NACC2: variants seen among roughly 807,000 people sequenced by gnomAD.
NACC2 encodes NACC family member 2.
NACC2 carries 8 observed loss-of-function variants against 25.1 expected under a neutral mutation model. The observed-to-expected ratio is 0.32, with a 90% CI of 0.19 to 0.57. The LOEUF (loss-of-function observed/expected upper bound fraction) is 0.57, where lower values mean the gene tolerates loss of function less well. Among genes scored for constraint, NACC2 ranks in the 20% least tolerant of loss-of-function variants. The pLI, the probability that NACC2 is intolerant of heterozygous loss-of-function variation, is 0.89. For missense variants in NACC2, 644 were observed against 650.2 expected (o/e 0.99, Z 0.10); for synonymous variants, 435 against 294.7 (o/e 1.48, Z -4.88).
intron 2 of NACC2, among the ~76,000 whole-genome samples, chr9:136,029,238 G>C (rs1301305354): frequency 1.3e-5 from 2 of 152,138 alleles, no homozygotes; most frequent in Non-Finnish European, 2.9e-5. Context: ...CCCAGACTCA[G>C]CCAGACAACA....
At position 136,019,862 on chromosome 9, in the gene NACC2, G is replaced by A. The variant is rs887520323; in HGVS notation, c.887-3433C>T. On this transcript the variant is annotated intron_variant, in intron 2 of 5. Transcript: ENST00000277554. This position sits in a 1 kb window ranked among gnomAD's most constrained non-coding sequence, Gnocchi z 5.2. ...ACACCAGGGGAGCTTGCGAGAGGGC[G>A]GCTGAGCCTGGAGGACACCACACTC... Among the ~76,000 whole-genome samples the A allele has an allele frequency of 6.6e-6, 1 of 152,166 alleles. No individual in the cohort carries two copies.
intron 1 of NACC2, among the ~76,000 whole-genome samples, chr9:136,053,157 A>C (rs1466030515): frequency 3.3e-5 from 5 of 152,222 alleles, no homozygotes; most frequent in African/African-American, 9.6e-5. Context: ...GGTGGGAGGC[A>C]AGGCGACACA....
intron 2 of NACC2, among the ~76,000 whole-genome samples, chr9:136,042,671 G>A (rs1840652063): frequency 6.7e-6 from 1 of 149,280 alleles, no homozygotes. Flanking sequence ...AACACACACA[G>A]ACACACAGAC....
At chr9:136,048,472 C>T (rs1840761620) in intron 2 of NACC2, among the ~76,000 whole-genome samples, 1 of 152,242 alleles carries the variant, frequency 6.6e-6, no homozygotes, top group South Asian at 2.1e-4. Flanking sequence ...CTACCCCCTA[C>T]CACTAAAAGA....
rs553535636 is a variant in NACC2, at chr9:136,085,568, C to T, written c.-60+9621G>A. Among the ~76,000 whole-genome samples, 4 of 151,984 alleles carry T rather than the reference C, an allele frequency of 2.6e-5. No homozygotes were observed. The East Asian group carries it at 7.8e-4, about 29-fold the overall frequency. On this transcript the variant is annotated intron_variant, in intron 1 of 5. Transcript: ENST00000277554. ...ACAAGTAACTGTACTGAGGGGTCTG[C>T]ACTGGATCTGCTGGTGTAAGGCCAG...
intron 1 of NACC2, among the ~76,000 whole-genome samples, chr9:136,058,990 C>T (rs375569462): frequency 4.0e-4 from 61 of 152,306 alleles, no homozygotes; most frequent in African/African-American, 1.4e-3. Flanking sequence ...CCCTGGGCCC[C>T]GCCCTCCTGT....
intron 2 of NACC2, among the ~76,000 whole-genome samples, chr9:136,042,777 GACAC>G (rs1440936708): frequency 2.5e-5 from 3 of 122,226 alleles, no homozygotes; most frequent in Non-Finnish European, 5.3e-5. Context: ...GAGACACACA[GACAC>G]ACACACACAT....
chr9:136,013,217 C>G lies in NACC2; in HGVS notation c.1237G>C (p.Val413Leu). 1 of 1,592,668 alleles carries G rather than the reference C, an allele frequency of 6.3e-7. No homozygotes were observed. Among genetic ancestry groups the G allele is most frequent in the Non-Finnish European group, 8.6e-7 (1 of 1,168,078 alleles). ...DPSRKPLDSRVLNAVKLYCQN... is the reference protein window; with the variant it reads ...DPSRKPLDSRLLNAVKLYCQN... The stretch of plus-strand genomic sequence containing the variant: ...CTCTTACATTTCACAGCGTTCAGGA[C>G]CCGGCTGTCCAGCGGCTTCCGGCTG... Residue 413 changes from valine (V) to leucine (L), a missense_variant, in exon 5 of 6, where the codon GTC becomes CTC. By Grantham distance (32) the Val-to-Leu change is conservative. Coordinates refer to ENST00000277554, the MANE Select transcript of NACC2 (RefSeq NM_144653.5). This position sits in a 1 kb window ranked among gnomAD's most constrained non-coding sequence, Gnocchi z 6.6.
chr9:136,021,557 TGTC>T (rs1840294447), intron 2 of NACC2, among the ~76,000 whole-genome samples: 2 of 152,206 alleles, frequency 1.3e-5, no homozygotes, highest in Non-Finnish European at 2.9e-5. Flanking sequence ...GGTGGCTTCT[TGTC>T]AAGTTCAACA....
chr9:136,043,081 C>T (rs1282015511), intron 2 of NACC2, among the ~76,000 whole-genome samples: 2 of 152,128 alleles, frequency 1.3e-5, no homozygotes, highest in Admixed American at 6.6e-5. Context: ...AAGGATTTCT[C>T]GAACAGGCTA....
rs970364562 is a variant in NACC2, at chr9:136,011,335, A to G, written c.*181T>C. On this transcript the variant is annotated 3_prime_UTR_variant, in exon 6 of 6. Coordinates refer to ENST00000277554, the MANE Select transcript of NACC2 (RefSeq NM_144653.5). ...GAGGCTGCCAGTGGCCTAATTGTTT[A>G]CAGTATAATGAATGCATTTGTTTCC... The G allele has an allele frequency of 1.5e-6, 1 of 666,718 alleles. No individual in the cohort carries two copies. Among genetic ancestry groups the G allele is most frequent in the African/African-American group, 1.9e-5 (1 of 53,376 alleles). The allele number at this position is 666,718 out of a possible 1,614,324, so 41.3% of individuals were successfully genotyped here. A position where few individuals can be genotyped will look rare whatever the true frequency, so the allele number is the denominator to read the frequency against.
intron 1 of NACC2, among the ~76,000 whole-genome samples, chr9:136,063,897 A>AC (rs56151742): frequency 6.8e-6 from 1 of 146,450 alleles, no homozygotes; most frequent in African/African-American, 2.5e-5. Context: ...AAAAAAAAAA[A>AC]CAAAAAAAAC....
At chr9:136,048,665 C>T (rs1840765859) in intron 2 of NACC2, among the ~76,000 whole-genome samples, 2 of 152,366 alleles carry the variant, frequency 1.3e-5, no homozygotes, top group Admixed American at 1.3e-4. Flanking sequence ...CCAGGTTGGC[C>T]AAAGCAGTGG....
At chr9:136,026,843 G>A (rs1840399426) in intron 2 of NACC2, among the ~76,000 whole-genome samples, 1 of 152,236 alleles carries the variant, frequency 6.6e-6, no homozygotes, top group Non-Finnish European at 1.5e-5. Flanking sequence ...GGAGGTCAGA[G>A]GGGAAGAGCA....
intron 1 of NACC2, 67 bp downstream of exon 1, chr9:136,095,122 G>C (rs1451415995): frequency 1.4e-5 from 2 of 146,430 alleles, no homozygotes; most frequent in Non-Finnish European, 1.5e-5. Context: ...GTGCGGGCCC[G>C]GCCCGTGGGA....
intron 2 of NACC2, among the ~76,000 whole-genome samples, chr9:136,036,022 TA>T (rs1840547271): frequency 6.6e-6 from 1 of 152,234 alleles, no homozygotes; most frequent in African/African-American, 2.4e-5. Context: ...AAAAGTTTGA[TA>T]AACTTCACTA....
In NACC2 at chr9:136,006,628, T is replaced by C. The variant is rs536119251; in HGVS notation, c.*4888A>G. 2 of 152,070 alleles carry C rather than the reference T, an allele frequency of 1.3e-5. No homozygotes were observed. The highest frequency in any genetic ancestry group is 6.5e-5 in the Admixed American group (1 of 15,294). 9.4% of individuals were successfully genotyped at this position (152,070 alleles called of 1,614,324 possible). On this transcript the variant is annotated 3_prime_UTR_variant, in exon 6 of 6. Transcript: ENST00000277554. ...CACATCCTTTTGTTTGTCATGGATT[T>C]CCACTGTCTGAAACGGCTCTGAGCA...
chr9:136,081,060 C>T (rs954764523), intron 1 of NACC2, among the ~76,000 whole-genome samples: 25 of 152,040 alleles, frequency 1.6e-4, no homozygotes, highest in Admixed American at 1.4e-3. Flanking sequence ...CCCAGGGTCA[C>T]GGATCACGAA....
chr9:136,029,051 G>A (rs540499215), intron 2 of NACC2, among the ~76,000 whole-genome samples: 1 of 152,308 alleles, frequency 6.6e-6, no homozygotes, highest in South Asian at 2.1e-4. Context: ...CTCCTGGATG[G>A]AAAGGGGTGG....
Sources: allele counts gnomAD v4.1 joint callset (sites outside exome capture counted in the v4.1 genomes callset), GRCh38; gene constraint gnomAD v4.1.1; non-coding constraint Gnocchi (gnomAD v3.1); transcripts MANE v1.5; gene names NCBI Gene and HGNC (gene_info 2026-07-23, HGNC 2026-07-21).